The following NT5C3A variants were observed in gnomAD, a reference collection of about 807,000 sequenced individuals.
The protein encoded by NT5C3A is 5'-nucleotidase, cytosolic IIIA, also known as cytosolic 5'-nucleotidase 3A.
In NT5C3A, 23 loss-of-function variants were observed where a neutral mutation model predicts 40.0. The observed-to-expected ratio is 0.58, with a 90% confidence interval of 0.41 to 0.81. The LOEUF is 0.81. Ranked by LOEUF, NT5C3A falls within the 40% of genes least tolerant of loss-of-function variation. The probability of loss-of-function intolerance (pLI) is 0.00; values close to 1 mark genes in which losing one functional copy is unlikely to be tolerated. For missense variants in NT5C3A, 328 were observed against 403.0 expected, an observed-to-expected ratio of 0.81 and a Z score of 1.59; for synonymous variants, 130 against 141.4, an observed-to-expected ratio of 0.92 and a Z score of 0.57.
intron 1 of NT5C3A, among the ~76,000 whole-genome samples, chr7:33,043,613 T>G (rs947252013): frequency 6.6e-6 from 1 of 151,146 alleles, no homozygotes; most frequent in African/African-American, 2.4e-5. Context: ...TCAAGAGGAG[T>G]GTTGGTCTCT....
chr7:33,051,242 C>A lies in NT5C3A; in HGVS notation c.138+11326G>T, dbSNP rs1385360713. On this transcript the variant is annotated intron_variant, in intron 1 of 8. Transcript: ENST00000610140. ...GCAATGGTGCAATCTTGGCTCACTG[C>A]AACCTCTGCTTCTGGGGTTCAAGTG... Among the ~76,000 whole-genome samples the A allele has an allele frequency of 5.3e-5, 8 of 152,222 alleles. No homozygotes were observed. In the South Asian group the frequency reaches 1.7e-3, roughly 32 times the overall value.
intron 1 of NT5C3A, among the ~76,000 whole-genome samples, chr7:33,057,706 G>T (rs928385364): frequency 1.1e-4 from 16 of 151,816 alleles, no homozygotes; most frequent in African/African-American, 3.6e-4. Flanking sequence ...TCTAGTGATC[G>T]TTCCATCTCC....
intron 1 of NT5C3A, among the ~76,000 whole-genome samples, chr7:33,061,053 T>C (rs908259910): frequency 2.0e-5 from 3 of 152,232 alleles, no homozygotes; most frequent in Non-Finnish European, 2.9e-5. Flanking sequence ...GATGGTATCA[T>C]TGAAGGATTT....
intron 3 of NT5C3A, chr7:33,023,773 T>G: frequency 2.4e-6 from 1 of 408,628 alleles, no homozygotes; most frequent in Non-Finnish European, 4.4e-6. Context: ...TATTTAAATA[T>G]TTCTTGAATA....
chr7:33,057,422 C>T (rs988636369), intron 1 of NT5C3A, among the ~76,000 whole-genome samples: 16 of 151,880 alleles, frequency 1.1e-4, no homozygotes, highest in Admixed American at 7.2e-4. Flanking sequence ...ACTCTGAAGG[C>T]GAGATGGGAG....
intron 1 of NT5C3A, among the ~76,000 whole-genome samples, chr7:33,052,519 GA>G (rs1474553350): frequency 7.2e-6 from 1 of 138,566 alleles, no homozygotes; most frequent in Non-Finnish European, 1.6e-5. Flanking sequence ...AAGTTATACA[GA>G]TTTTTTTTTC....
intron 1 of NT5C3A, among the ~76,000 whole-genome samples, chr7:33,057,396 T>C (rs1787613449): frequency 6.6e-6 from 1 of 152,002 alleles, no homozygotes; most frequent in Admixed American, 6.6e-5. Flanking sequence ...TGGTGGTGCG[T>C]GCTTTAGTCC....
chr7:33,046,554 T>C (rs1205339309), intron 1 of NT5C3A, among the ~76,000 whole-genome samples: 5 of 151,778 alleles, frequency 3.3e-5, no homozygotes, highest in Non-Finnish European at 7.4e-5. Context: ...ATTGCAAAAA[T>C]CTAGATCAAG....
At chr7:33,053,069 A>T (rs1425214910) in intron 1 of NT5C3A, among the ~76,000 whole-genome samples, 1 of 152,226 alleles carries the variant, frequency 6.6e-6, no homozygotes, top group Non-Finnish European at 1.5e-5. Context: ...GTATTGTAGG[A>T]AAAAATGCCC....
At chr7:33,043,230 G>A (rs1292004280) in intron 1 of NT5C3A, among the ~76,000 whole-genome samples, 1 of 152,130 alleles carries the variant, frequency 6.6e-6, no homozygotes, top group Non-Finnish European at 1.5e-5. Flanking sequence ...GTCTACTACT[G>A]ATTGAAAAAA....
Position 33,042,286 on chromosome 7 carries a change from C to T in NT5C3A, c.139-15371G>A, listed in dbSNP as rs540337651. 1.3e-4 allele frequency among the ~76,000 whole-genome samples: 19 copies of T among 151,952 alleles called. No individual in the cohort carries two copies. The South Asian group carries it at 2.7e-3, about 22-fold the overall frequency. On this transcript the variant is annotated intron_variant, in intron 1 of 8. Transcript: ENST00000610140. Reference sequence around the variant, plus strand: ...CGGAGGTTGCAGTGAGCTGAGATTGCGCCACTGCACTCCAGCCCAGGCAAC... The same window carrying T: ...CGGAGGTTGCAGTGAGCTGAGATTGTGCCACTGCACTCCAGCCCAGGCAAC...
intron 1 of NT5C3A, among the ~76,000 whole-genome samples, chr7:33,040,303 T>C (rs896912783): frequency 6.6e-6 from 1 of 152,226 alleles, no homozygotes; most frequent in Non-Finnish European, 1.5e-5. Flanking sequence ...GCTTTTACTG[T>C]AATATAAATT....
Position 33,014,283 on chromosome 7 carries a change from C to T in NT5C3A, c.*447G>A, listed in dbSNP as rs1382065690. 1 of 454,280 alleles carries T rather than the reference C, an allele frequency of 2.2e-6. No homozygotes were observed. Among genetic ancestry groups the T allele is most frequent in the Non-Finnish European group, 4.4e-6 (1 of 226,804 alleles). The allele number at this position is 454,280 out of a possible 1,614,324, so 28.1% of individuals were successfully genotyped here. A position where few individuals can be genotyped will look rare whatever the true frequency, so the allele number is the denominator to read the frequency against. On this transcript the variant is annotated 3_prime_UTR_variant, in exon 9 of 9. Transcript: ENST00000610140. ...TTTTCCCCAGACAAAATAACCAAACCTAACACAATTTCAAGAGATGGTGAT... is the reference window on the plus strand; with the variant it reads ...TTTTCCCCAGACAAAATAACCAAACTTAACACAATTTCAAGAGATGGTGAT...
intron 1 of NT5C3A, among the ~76,000 whole-genome samples, chr7:33,060,188 A>G (rs914749320): frequency 2.6e-5 from 4 of 152,148 alleles, no homozygotes; most frequent in Admixed American, 2.6e-4. Context: ...CCTGGGCTCA[A>G]GGGATCCTCC....
Position 33,026,887 on chromosome 7 carries a change from C to T in NT5C3A, c.167G>A (p.Arg56Gln). Reference sequence around the variant, plus strand: ...TTCTACTCTTGTAGGGTTCTTGATTCGAACTGAACTTTTCTGGAATTCTGG... The same window carrying T: ...TTCTACTCTTGTAGGGTTCTTGATTTGAACTGAACTTTTCTGGAATTCTGG... Reference protein sequence around the residue: ...MMPEFQKSSVRIKNPTRVEEI... With the variant: ...MMPEFQKSSVQIKNPTRVEEI... The change falls in exon 2 of 9, where the codon CGA (arginine) becomes CAA (glutamine). Residue 56 changes from arginine (R) to glutamine (Q), a missense_variant. By Grantham distance (43) the Arg-to-Gln change is conservative. This residue lies in a region of NT5C3A where 280 missense variants were observed against 317.2 expected (regional missense o/e 0.88). Coordinates refer to ENST00000610140, the MANE Select transcript of NT5C3A (RefSeq NM_001002010.5). 6 of 1,612,466 alleles carry T rather than the reference C, an allele frequency of 3.7e-6. No individual in the cohort carries two copies. The highest frequency in any genetic ancestry group is 5.1e-6 in the Non-Finnish European group (6 of 1,179,498).
intron 1 of NT5C3A, among the ~76,000 whole-genome samples, chr7:33,038,654 A>G (rs1161965168): frequency 1.3e-5 from 2 of 152,188 alleles, no homozygotes; most frequent in African/African-American, 4.8e-5. Context: ...CAGTCCTTAT[A>G]CAAAAATTAC....
At chr7:33,045,209 C>G (rs749617059) in intron 1 of NT5C3A, among the ~76,000 whole-genome samples, 1 of 152,130 alleles carries the variant, frequency 6.6e-6, no homozygotes, top group African/African-American at 2.4e-5. Context: ...CTTGTTCTTG[C>G]TAATTGCTGC....
chr7:33,028,939 C>T (rs1419664430), intron 1 of NT5C3A, among the ~76,000 whole-genome samples: 1 of 151,184 alleles, frequency 6.6e-6, no homozygotes, highest in Admixed American at 6.6e-5. Flanking sequence ...CCTGTAGTCC[C>T]AGCTAGTTGG....
At chr7:33,046,776 T>G (rs1226201299) in intron 1 of NT5C3A, among the ~76,000 whole-genome samples, 3 of 152,098 alleles carry the variant, frequency 2.0e-5, no homozygotes, top group Non-Finnish European at 4.4e-5. Flanking sequence ...ATGCCATATG[T>G]TTGAATATTT....
Sources: allele counts gnomAD v4.1 joint callset (sites outside exome capture counted in the v4.1 genomes callset), GRCh38; gene constraint gnomAD v4.1.1; regional missense constraint gnomAD v4.1.1; transcripts MANE v1.5; gene names NCBI Gene and HGNC (gene_info 2026-07-23, HGNC 2026-07-21).